TBC1D14: variants seen among roughly 807,000 people sequenced by gnomAD.
The protein encoded by TBC1D14 is TBC1 domain family, member 14.
A neutral mutation model predicts 79.0 loss-of-function variants in TBC1D14; 26 were observed. That is an observed-to-expected ratio of 0.33 (90% confidence interval 0.24 to 0.46). TBC1D14 has a LOEUF of 0.46. Ranked by LOEUF, TBC1D14 falls within the 20% of genes least tolerant of loss-of-function variation. The probability of loss-of-function intolerance (pLI) is 1.00; values close to 1 mark genes in which losing one functional copy is unlikely to be tolerated. For synonymous variants in TBC1D14, 394 were observed against 349.9 expected (o/e 1.13, Z -1.40); for missense variants, 769 against 887.6 (o/e 0.87, Z 1.70).
At chr4:7,023,823 C>A (rs564612048) in intron 12 of TBC1D14, among the ~76,000 whole-genome samples, 1 of 152,240 alleles carries the variant, frequency 6.6e-6, no homozygotes, top group Non-Finnish European at 1.5e-5. Flanking sequence ...CGGAGGGGCT[C>A]GCATAGCACA....
At chr4:6,965,519 A>G (rs1323905970) in intron 2 of TBC1D14, among the ~76,000 whole-genome samples, 16 of 152,168 alleles carry the variant, frequency 1.1e-4, no homozygotes, top group African/African-American at 3.4e-4. Context: ...TTCCCCATGC[A>G]TCAGATCAGA....
intron 7 of TBC1D14, among the ~76,000 whole-genome samples, chr4:7,004,418 CT>C (rs1004160542): frequency 2.0e-5 from 3 of 152,216 alleles, no homozygotes; most frequent in African/African-American, 7.2e-5. Flanking sequence ...TCTGCTGGTC[CT>C]TCCTTCCCTC....
At chr4:7,024,806 C>G (rs544707921) in intron 12 of TBC1D14, among the ~76,000 whole-genome samples, 198 bp from the exon 13 acceptor site, 14 of 152,294 alleles carry the variant, frequency 9.2e-5, no homozygotes, top group African/African-American at 3.4e-4. Flanking sequence ...CTGCATGATT[C>G]TGTGCGGAAG....
intron 4 of TBC1D14, among the ~76,000 whole-genome samples, chr4:6,995,154 C>T (rs55822670): frequency 0.19 from 29,008 of 152,128 alleles, 2,954 homozygotes; most frequent in African/African-American, 0.25. Flanking sequence ...TACAAGCACG[C>T]TTCTGAAAGA....
Position 6,940,627 on chromosome 4 carries a change from C to G in TBC1D14, c.722+16516C>G, listed in dbSNP as rs373591613. Among the ~76,000 whole-genome samples, 7 of 152,050 alleles carry G rather than the reference C, an allele frequency of 4.6e-5. No homozygotes were observed. The East Asian group carries it at 7.7e-4, about 17-fold the overall frequency. On this transcript the variant is annotated intron_variant, in intron 2 of 13. Transcript: ENST00000409757. Reference sequence around the variant, plus strand: ...GGAGATGACGGGGGTGGGGGAGGAGCCTACACCCCTCAGAGATGTATTCTG... The same window carrying G: ...GGAGATGACGGGGGTGGGGGAGGAGGCTACACCCCTCAGAGATGTATTCTG...
At chr4:7,017,995 G>A (rs1721445282) in intron 12 of TBC1D14, among the ~76,000 whole-genome samples, 1 of 152,162 alleles carries the variant, frequency 6.6e-6, no homozygotes, top group Non-Finnish European at 1.5e-5. Flanking sequence ...CCTAGAAGCT[G>A]CCATTTCAGA....
intron 2 of TBC1D14, among the ~76,000 whole-genome samples, chr4:6,965,641 C>CA (rs1195601164): frequency 6.6e-6 from 1 of 152,154 alleles, no homozygotes; most frequent in African/African-American, 2.4e-5. Context: ...TCCTGGGTTC[C>CA]AATGATATCG....
At chr4:6,990,650 C>T (rs1050222083) in intron 3 of TBC1D14, among the ~76,000 whole-genome samples, 1 of 152,098 alleles carries the variant, frequency 6.6e-6, no homozygotes, top group Admixed American at 6.5e-5. Flanking sequence ...TGAAGTGGAC[C>T]GCACCAGTAC....
At chr4:6,953,629 CAAAAAAAAA>C (rs750667631) in intron 2 of TBC1D14, among the ~76,000 whole-genome samples, 5 of 55,050 alleles carry the variant, frequency 9.1e-5, no homozygotes, top group African/African-American at 4.0e-4. Context: ...GACTCCGTCT[CAAAAAAAAA>C]AAAAAAAAAA....
Position 6,989,029 on chromosome 4 carries a change from C to T in TBC1D14, c.844-5155C>T, listed in dbSNP as rs147482898. ...AGTTGGGACCACAGGCACAGCACCT[C>T]TGTGCCAGGCTTAGGAATACTTCTT... is the stretch of plus-strand genomic sequence containing the variant. On this transcript the variant is annotated intron_variant, in intron 3 of 13. Transcript: ENST00000409757. Among the ~76,000 whole-genome samples the T allele has an allele frequency of 1.3e-4, 20 of 152,058 alleles. No individual in the cohort carries two copies. In the East Asian group the frequency reaches 3.3e-3, roughly 25 times the overall value.
intron 10 of TBC1D14, 122 bp downstream of exon 10, chr4:7,010,070 A>G (rs1349546212): frequency 2.7e-6 from 3 of 1,101,460 alleles, no homozygotes; most frequent in African/African-American, 3.1e-5. Context: ...GAGTATGAAA[A>G]GTCTCGTGGT....
chr4:7,004,966 A>T (rs769897282), intron 8 of TBC1D14, 42 bp downstream of exon 8: 2 of 1,554,346 alleles, frequency 1.3e-6, no homozygotes, highest in East Asian at 4.5e-5. Context: ...GTGGTCAATT[A>T]TGTTTGTCAT....
At chr4:6,948,484 G>A (rs1713697949) in intron 2 of TBC1D14, among the ~76,000 whole-genome samples, 1 of 152,138 alleles carries the variant, frequency 6.6e-6, no homozygotes, top group African/African-American at 2.4e-5. Context: ...TCCCATGTGT[G>A]GAGGTTTGAT....
chr4:7,026,209 A>G (rs1044126525), intron 13 of TBC1D14, among the ~76,000 whole-genome samples: 1 of 151,928 alleles, frequency 6.6e-6, no homozygotes, highest in Non-Finnish European at 1.5e-5. Context: ...AACAGCATAA[A>G]ATAATGCACC....
At chr4:6,955,812 G>A (rs1027993331) in intron 2 of TBC1D14, among the ~76,000 whole-genome samples, 2 of 152,064 alleles carry the variant, frequency 1.3e-5, no homozygotes, top group Non-Finnish European at 2.9e-5. Context: ...GGAGGATTGC[G>A]TCCTGCCTCT....
rs146530487 is a variant in TBC1D14 at position 7,007,439 on chromosome 4, T to C, written c.1446+713T>C. The C allele has an allele frequency of 6.4e-6, 5 of 779,680 alleles. No individual in the cohort carries two copies. In the East Asian group the frequency reaches 2.0e-4, roughly 31 times the overall value. 48.3% of individuals were successfully genotyped at this position (779,680 alleles called of 1,614,324 possible). On this transcript the variant is annotated intron_variant, in intron 9 of 13. Coordinates refer to ENST00000409757, the MANE Select transcript of TBC1D14 (RefSeq NM_020773.3). Reference sequence around the variant, plus strand: ...TGGGGATCTTTTGATCCCTTTCTTATCTATAACGGGTTTTTGCGGGGGCAG... The same window carrying C: ...TGGGGATCTTTTGATCCCTTTCTTACCTATAACGGGTTTTTGCGGGGGCAG...
chr4:6,975,232 T>G (rs952110940), intron 3 of TBC1D14, among the ~76,000 whole-genome samples: 4 of 152,112 alleles, frequency 2.6e-5, no homozygotes, highest in Middle Eastern at 3.4e-3. Flanking sequence ...GTTTTTGAGA[T>G]AGGGTCTTGC....
intron 12 of TBC1D14, among the ~76,000 whole-genome samples, chr4:7,020,705 T>G (rs940973709): frequency 2.6e-5 from 4 of 152,242 alleles, no homozygotes; most frequent in African/African-American, 9.6e-5. Flanking sequence ...TGTTTTGTTT[T>G]GTTTTCTTTT....
intron 3 of TBC1D14, among the ~76,000 whole-genome samples, chr4:6,985,889 A>C (rs1717774694): frequency 6.6e-6 from 1 of 152,228 alleles, no homozygotes; most frequent in Non-Finnish European, 1.5e-5. Flanking sequence ...AAATGGCTTG[A>C]GGTATAAATA....
Sources: allele counts gnomAD v4.1 joint callset (sites outside exome capture counted in the v4.1 genomes callset), GRCh38; gene constraint gnomAD v4.1.1; transcripts MANE v1.5; gene names NCBI Gene and HGNC (gene_info 2026-07-23, HGNC 2026-07-21).